Variants in GRM7 observed in about 807,000 individuals in gnomAD.
GRM7 encodes the protein metabotropic glutamate receptor 7.
In GRM7, 35 loss-of-function variants were observed where a neutral mutation model predicts 84.5. The observed-to-expected ratio is 0.41, with a 90% CI of 0.32 to 0.55. The LOEUF is 0.55. GRM7 is among the 20% of genes least tolerant of loss of function. GRM7 has a pLI of 0.19. For missense variants in GRM7, 1,003 were observed against 1,194.6 expected, an observed-to-expected ratio of 0.84 and a Z score of 2.36; for synonymous variants, 487 against 455.1, an observed-to-expected ratio of 1.07 and a Z score of -0.89.
intron 7 of GRM7, among the ~76,000 whole-genome samples, chr3:7,547,481 C>T (rs1226716035): frequency 2.0e-5 from 3 of 152,172 alleles, no homozygotes; most frequent in African/African-American, 7.2e-5. Flanking sequence ...GCTGGGATTA[C>T]AGGCGTGGGC....
At chr3:7,038,862 T>C (rs190840479) in intron 1 of GRM7, among the ~76,000 whole-genome samples, 1 of 152,124 alleles carries the variant, frequency 6.6e-6, no homozygotes, top group Admixed American at 6.5e-5. Flanking sequence ...CCCCTTTTTT[T>C]AAAAAATTAT....
chr3:7,238,616 AG>A, intron 2 of GRM7, among the ~76,000 whole-genome samples: 1 of 152,206 alleles, frequency 6.6e-6, no homozygotes, highest in East Asian at 1.9e-4. Context: ...TATTTGTTAA[AG>A]GAATTGCCTA....
At chr3:7,651,582 G>A (rs1698940853) in intron 8 of GRM7, among the ~76,000 whole-genome samples, 1 of 152,112 alleles carries the variant, frequency 6.6e-6, no homozygotes, top group Non-Finnish European at 1.5e-5. Context: ...ATATCTCCTT[G>A]GCAAAGAATC....
intron 1 of GRM7, among the ~76,000 whole-genome samples, chr3:6,989,818 G>A (rs1332028114): frequency 6.6e-6 from 1 of 152,250 alleles, no homozygotes; most frequent in Non-Finnish European, 1.5e-5. Context: ...AAAAGAGCTA[G>A]TGTTATCTTG....
At chr3:7,368,233 T>C (rs1031969216) in intron 4 of GRM7, among the ~76,000 whole-genome samples, 5 of 152,040 alleles carry the variant, frequency 3.3e-5, no homozygotes, top group African/African-American at 9.7e-5. Flanking sequence ...GGTGAGATCA[T>C]CAAGCTAGAA....
chr3:7,435,318 C>A (rs1696999084), intron 5 of GRM7, among the ~76,000 whole-genome samples: 1 of 151,858 alleles, frequency 6.6e-6, no homozygotes, highest in East Asian at 1.9e-4. Context: ...TGTGTGCCAC[C>A]ACCCCTGGGT....
intron 1 of GRM7, among the ~76,000 whole-genome samples, chr3:6,893,220 T>A (rs569123600): frequency 6.6e-6 from 1 of 152,296 alleles, no homozygotes; most frequent in Non-Finnish European, 1.5e-5. Flanking sequence ...TCTGCCTGAA[T>A]TATATTGTGT....
At position 7,578,459 on chromosome 3, in the gene GRM7, T is replaced by C; in HGVS notation, c.1553T>C (p.Ile518Thr). The part of the protein sequence containing the change: ...DMQWGKGVRE[I>T]PASVCTLPCK... ...CAGTGGGGTAAAGGAGTCCGAGAGA[T>C]ACCCGCCTCAGTGTGCACACTACCA... Residue 518 changes from isoleucine to threonine, a missense_variant, in exon 8 of 10, where the codon ATA becomes ACA. Ile to Thr is a moderately conservative substitution (Grantham distance 89). Around this residue, in one of 2 missense-constraint regions of GRM7, gnomAD observed 910 missense variants for 1,126.0 expected, o/e 0.81. Transcript: ENST00000357716. 1.9e-6 allele frequency: 3 copies of C among 1,613,472 alleles called. No homozygotes were observed. Among genetic ancestry groups the C allele is most frequent in the Non-Finnish European group, 2.5e-6 (3 of 1,179,596 alleles).
chr3:7,539,007 A>T (rs1201685265), intron 7 of GRM7, among the ~76,000 whole-genome samples: 1 of 152,122 alleles, frequency 6.6e-6, no homozygotes, highest in Non-Finnish European at 1.5e-5. Flanking sequence ...CACCAAAATT[A>T]ACTGTCCCTT....
intron 5 of GRM7, among the ~76,000 whole-genome samples, chr3:7,430,572 A>G (rs1696786503): frequency 6.6e-6 from 1 of 152,222 alleles, no homozygotes; most frequent in South Asian, 2.1e-4. Context: ...TTAGGCACAT[A>G]CCGATCTGTG....
chr3:7,645,070 C>T (rs1408921014), intron 8 of GRM7, among the ~76,000 whole-genome samples: 2 of 152,070 alleles, frequency 1.3e-5, no homozygotes, highest in Non-Finnish European at 2.9e-5. Flanking sequence ...CACATCCCTA[C>T]CCAAAAGCTC....
chr3:7,157,850 A>G (rs750300765), intron 2 of GRM7, among the ~76,000 whole-genome samples: 3 of 152,050 alleles, frequency 2.0e-5, no homozygotes, highest in Non-Finnish European at 4.4e-5. Context: ...CCCTGCACAC[A>G]CATGGATTTA....
intron 1 of GRM7, among the ~76,000 whole-genome samples, chr3:6,962,939 A>G (rs924011133): frequency 5.3e-5 from 8 of 152,212 alleles, no homozygotes; most frequent in Admixed American, 1.3e-4. Flanking sequence ...ATCATCAATC[A>G]TGAAGTGATT....
At chr3:7,194,898 G>A (rs560831030) in intron 2 of GRM7, among the ~76,000 whole-genome samples, 4 of 152,098 alleles carry the variant, frequency 2.6e-5, no homozygotes, top group Non-Finnish European at 5.9e-5. Flanking sequence ...GTCTTGCTCA[G>A]GGATTCTATG....
rs144628224 is a variant in GRM7, at chr3:7,426,095, G to GTTCTTTCTTTCT, written c.1174+10943_1174+10954dup. Among the ~76,000 whole-genome samples, 520 of 150,632 alleles carry GTTCTTTCTTTCT rather than the reference G, an allele frequency of 3.5e-3. 3 individuals carry two copies. The highest frequency in any genetic ancestry group is 0.016 in the East Asian group (81 of 5,050). On this transcript the variant is annotated intron_variant, in intron 5 of 9. Coordinates refer to ENST00000357716, the MANE Select transcript of GRM7 (RefSeq NM_000844.4). Reference sequence around the variant, plus strand: ...AGACATTTCAGTGGCCATATCATACGTTCTTTCTTTCTTTCTTTCTTTTTC... The same window carrying GTTCTTTCTTTCT: ...AGACATTTCAGTGGCCATATCATACGTTCTTTCTTTCTTTCTTTCTTTCTTTCTTTCTTTTTC...
intron 2 of GRM7, among the ~76,000 whole-genome samples, chr3:7,170,485 C>T (rs1257093117): frequency 2.0e-5 from 3 of 152,094 alleles, no homozygotes; most frequent in South Asian, 4.2e-4. Flanking sequence ...ATTGTTTTTC[C>T]CCACTCTTGG....
chr3:7,012,956 T>C (rs1356812235), intron 1 of GRM7, among the ~76,000 whole-genome samples: 1 of 152,086 alleles, frequency 6.6e-6, no homozygotes, highest in African/African-American at 2.4e-5. Context: ...TCCAGGCTGG[T>C]CTCGAACTTC....
At chr3:7,639,575 CCT>C (rs1192224928) in intron 8 of GRM7, among the ~76,000 whole-genome samples, 2 of 152,150 alleles carry the variant, frequency 1.3e-5, no homozygotes, top group African/African-American at 4.8e-5. Context: ...AATATTATCA[CCT>C]TTTTTAAGTC....
At chr3:6,905,604 A>G (rs192880556) in intron 1 of GRM7, among the ~76,000 whole-genome samples, 164 of 152,126 alleles carry the variant, frequency 1.1e-3, no homozygotes, top group Admixed American at 1.8e-3. Flanking sequence ...CTGTTGGCCA[A>G]TTCCAATAGA....
Sources: allele counts gnomAD v4.1 joint callset (sites outside exome capture counted in the v4.1 genomes callset), GRCh38; gene constraint gnomAD v4.1.1; regional missense constraint gnomAD v4.1.1; transcripts MANE v1.5; gene names NCBI Gene and HGNC (gene_info 2026-07-23, HGNC 2026-07-21).